Variants in NRG1 observed in about 807,000 individuals in gnomAD.
NRG1 encodes the protein pro-neuregulin-1, membrane-bound isoform.
Under a neutral mutation model 63.8 loss-of-function variants are expected in NRG1, and 18 were observed. The observed-to-expected ratio is 0.28, with a 90% CI of 0.19 to 0.42. The LOEUF (loss-of-function observed/expected upper bound fraction) is 0.42, where lower values mean the gene tolerates loss of function less well. NRG1 is among the 10% of genes least tolerant of loss of function. The probability of loss-of-function intolerance (pLI) is 1.00; values close to 1 mark genes in which losing one functional copy is unlikely to be tolerated. For missense variants in NRG1, 762 were observed against 814.7 expected (o/e 0.94, Z 0.79); for synonymous variants, 302 against 301.3 (o/e 1.00, Z -0.02).
At chr8:32,068,165 T>C (rs1032402103) in intron 1 of NRG1, among the ~76,000 whole-genome samples, 7 of 152,336 alleles carry the variant, frequency 4.6e-5, no homozygotes, top group Admixed American at 1.3e-4. Context: ...CTTTGTGATG[T>C]ATGTTGGGTA....
chr8:31,947,318 AAAAAAAAAAAAAAAG>A (rs1182433257), intron 1 of NRG1, among the ~76,000 whole-genome samples: 1 of 13,230 alleles, frequency 7.6e-5, no homozygotes, highest in Non-Finnish European at 8.2e-4. Context: ...AAAAAAAAAA[AAAAAAAAAAAAAAAG>A]AATGGATATA....
chr8:32,474,237 T>C (rs1274354714), intron 1 of NRG1, among the ~76,000 whole-genome samples: 1 of 152,216 alleles, frequency 6.6e-6, no homozygotes, highest in Non-Finnish European at 1.5e-5. Flanking sequence ...TATCATACAC[T>C]TATTCTAACA....
At chr8:32,009,009 C>A (rs1380600976) in intron 1 of NRG1, among the ~76,000 whole-genome samples, 2 of 152,060 alleles carry the variant, frequency 1.3e-5, no homozygotes, top group African/African-American at 4.8e-5. Flanking sequence ...GATGTACTCA[C>A]TTCAGCACAG....
At chr8:32,760,274 G>T in exon 11 of NRG1, 12 of 1,614,094 alleles carry the variant, frequency 7.4e-6, no homozygotes, top group Non-Finnish European at 1.0e-5. Flanking sequence ...GTAGAAAACA[G>T]TAGGCACAGC....
chr8:32,114,444 G>A (rs892017488), intron 1 of NRG1, among the ~76,000 whole-genome samples: 1 of 152,082 alleles, frequency 6.6e-6, no homozygotes, highest in Non-Finnish European at 1.5e-5. Flanking sequence ...TCTCCAGATG[G>A]CCATGAGATT....
At chr8:32,344,381 T>TCTTTCTTTCTTTCTTC (rs1563338245) in intron 1 of NRG1, among the ~76,000 whole-genome samples, 13 of 90,164 alleles carry the variant, frequency 1.4e-4, no homozygotes, top group East Asian at 1.0e-3. Flanking sequence ...TTTCTTTCTT[T>TCTTTCTTTCTTTCTTC]CTCTTTCTTT....
At chr8:31,811,954 T>C (rs770134813) in intron 1 of NRG1, among the ~76,000 whole-genome samples, 1 of 152,174 alleles carries the variant, frequency 6.6e-6, no homozygotes, top group Non-Finnish European at 1.5e-5. Flanking sequence ...CCTACAGCAA[T>C]TTCTCTAAGC....
At chr8:31,894,826 A>C (rs1831446737) in intron 1 of NRG1, among the ~76,000 whole-genome samples, 1 of 152,150 alleles carries the variant, frequency 6.6e-6, no homozygotes, top group African/African-American at 2.4e-5. Context: ...CTGGGATTAC[A>C]GGCGTGAGCC....
chr8:32,705,166 T>C (rs1816035657), intron 5 of NRG1, among the ~76,000 whole-genome samples: 1 of 150,562 alleles, frequency 6.6e-6, no homozygotes, highest in South Asian at 2.1e-4. Context: ...GGAGTCTCGC[T>C]GTGTCGCCCA....
At chr8:32,449,278 C>T (rs1447422639) in intron 1 of NRG1, among the ~76,000 whole-genome samples, 2 of 151,918 alleles carry the variant, frequency 1.3e-5, no homozygotes, top group Non-Finnish European at 2.9e-5. Flanking sequence ...GCCTGGGCAA[C>T]AGAGCAAGAC....
intron 1 of NRG1, among the ~76,000 whole-genome samples, chr8:31,677,886 G>A (rs1807887737): frequency 6.6e-6 from 1 of 152,020 alleles, no homozygotes; most frequent in African/African-American, 2.4e-5. Flanking sequence ...TACTTCAGAA[G>A]AGAATTTGTT....
chr8:32,299,573 T>G (rs1855348496), intron 1 of NRG1, among the ~76,000 whole-genome samples: 1 of 152,300 alleles, frequency 6.6e-6, no homozygotes. Flanking sequence ...TGTGTTAGTC[T>G]GTTCTCATGC....
intron 1 of NRG1, among the ~76,000 whole-genome samples, chr8:32,299,736 A>G (rs1012376556): frequency 6.6e-6 from 1 of 152,196 alleles, no homozygotes; most frequent in African/African-American, 2.4e-5. Flanking sequence ...TCAAGAGGGC[A>G]TGTGCAGAGG....
intron 1 of NRG1, among the ~76,000 whole-genome samples, chr8:31,917,870 C>T: frequency 6.6e-6 from 1 of 152,146 alleles, no homozygotes; most frequent in Non-Finnish European, 1.5e-5. Context: ...TTTGTAACCT[C>T]TTTAATTTCA....
chr8:31,813,340 C>T (rs1823072621), intron 1 of NRG1, among the ~76,000 whole-genome samples: 1 of 151,974 alleles, frequency 6.6e-6, no homozygotes, highest in Non-Finnish European at 1.5e-5. Context: ...CAGGCATGCA[C>T]TACATAATAA....
intron 1 of NRG1, among the ~76,000 whole-genome samples, chr8:32,405,288 T>C (rs1306562045): frequency 6.6e-6 from 1 of 152,228 alleles, no homozygotes; most frequent in Non-Finnish European, 1.5e-5. Context: ...TCCATTCAAT[T>C]AAAGGACTTG....
At chr8:31,914,986 A>T (rs1164827834) in intron 1 of NRG1, among the ~76,000 whole-genome samples, 1 of 152,076 alleles carries the variant, frequency 6.6e-6, no homozygotes, top group African/African-American at 2.4e-5. Flanking sequence ...ATTATCAGTT[A>T]TGTATATACT....
At chr8:32,183,066 T>G (rs1279244663) in intron 1 of NRG1, among the ~76,000 whole-genome samples, 1 of 152,202 alleles carries the variant, frequency 6.6e-6, no homozygotes, top group Non-Finnish European at 1.5e-5. Context: ...ATAGTTAGAT[T>G]TCTCATTTTA....
intron 1 of NRG1, among the ~76,000 whole-genome samples, chr8:32,101,365 G>A (rs932236345): frequency 6.6e-5 from 10 of 152,032 alleles, no homozygotes; most frequent in East Asian, 3.9e-4. Flanking sequence ...ACAAAGCAGC[G>A]TTGCTCAAAA....
Sources: gnomAD v4.1 joint callset for allele counts (sites outside exome capture counted in the v4.1 genomes callset) on GRCh38, gnomAD v4.1.1 for gene constraint, MANE v1.5 for transcripts, NCBI Gene and HGNC (gene_info 2026-07-23, HGNC 2026-07-21) for gene names.